Variants in AZIN2 observed in about 807,000 individuals in gnomAD.
The protein encoded by AZIN2 is antizyme inhibitor 2.
Under a neutral mutation model 47.8 loss-of-function variants are expected in AZIN2, and 28 were observed. The observed-to-expected ratio is 0.59, with a 90% CI of 0.43 to 0.80. AZIN2 has a LOEUF of 0.80. Ranked by LOEUF, AZIN2 falls within the 30% of genes least tolerant of loss-of-function variation. AZIN2 has a pLI of 0.00. For synonymous variants in AZIN2, 221 were observed against 239.4 expected (o/e 0.92, Z 0.71); for missense variants, 535 against 582.5 (o/e 0.92, Z 0.84).
At chr1:33,134,565 G>T in the AZIN2 span, among the ~76,000 whole-genome samples, 1 of 152,116 alleles carries the variant, frequency 6.6e-6, no homozygotes, top group Non-Finnish European at 1.5e-5. Context: ...AGACACAAGG[G>T]GACCCATGGA....
At chr1:33,092,273 G>C (rs754643799) in intron 6 of AZIN2, 51 bp downstream of exon 6, 2 of 1,573,140 alleles carry the variant, frequency 1.3e-6, no homozygotes, top group Non-Finnish European at 1.7e-6. Flanking sequence ...AGCCTGGGCT[G>C]TGGGGAGCCT....
chr1:33,091,187 C>T (rs1009103730), intron 5 of AZIN2, among the ~76,000 whole-genome samples: 14 of 152,138 alleles, frequency 9.2e-5, no homozygotes, highest in Non-Finnish European at 1.8e-4. Flanking sequence ...TACATATTGA[C>T]TTCCTTTCCT....
Position 33,122,348 on chromosome 1 carries a change from T to G in AZIN2, c.*2166T>G, listed in dbSNP as rs1644810719. Reference sequence around the variant, plus strand: ...CATGGAGTTTGGATGGATTTCTCACTGGAGCCTTTCTAGTGTTTCATGTTC... The same window carrying G: ...CATGGAGTTTGGATGGATTTCTCACGGGAGCCTTTCTAGTGTTTCATGTTC... On this transcript the variant is annotated 3_prime_UTR_variant, in exon 12 of 12. Coordinates refer to ENST00000294517, the MANE Select transcript of AZIN2 (RefSeq NM_052998.4). 6.6e-6 allele frequency among the ~76,000 whole-genome samples: 1 copy of G among 152,238 alleles called. No homozygotes were observed. The highest frequency in any genetic ancestry group is 6.5e-5 in the Admixed American group (1 of 15,286).
At chr1:33,132,595 G>T in the AZIN2 span, among the ~76,000 whole-genome samples, 1 of 152,172 alleles carries the variant, frequency 6.6e-6, no homozygotes, top group African/African-American at 2.4e-5. Context: ...TCTCCTGACT[G>T]GTTAGTTGCT....
intron 10 of AZIN2, among the ~76,000 whole-genome samples, chr1:33,115,150 C>T (rs562218985): frequency 6.6e-6 from 1 of 152,244 alleles, no homozygotes; most frequent in Non-Finnish European, 1.5e-5. Flanking sequence ...AGGTCACCTT[C>T]CCTCTCTGAG....
At chr1:33,099,625 C>CA (rs1393888521) in intron 10 of AZIN2, among the ~76,000 whole-genome samples, 8 of 152,150 alleles carry the variant, frequency 5.3e-5, no homozygotes, top group African/African-American at 1.7e-4. Context: ...AGCCCACTGC[C>CA]ACGCCCCCCA....
chr1:33,143,265 A>G, the AZIN2 span: 1 of 152,214 alleles, frequency 6.6e-6, no homozygotes, highest in Non-Finnish European at 1.5e-5. Context: ...ACACGTGGAA[A>G]CTGTGAGTAA....
chr1:33,146,939 A>G, the AZIN2 span: 4 of 557,740 alleles, frequency 7.2e-6, no homozygotes, highest in African/African-American at 5.7e-5. Context: ...GCCATGTCAC[A>G]TCCTTGGATC....
At chr1:33,157,740 T>G in the AZIN2 span, among the ~76,000 whole-genome samples, 2 of 151,898 alleles carry the variant, frequency 1.3e-5, no homozygotes, top group Admixed American at 1.3e-4. Flanking sequence ...TAATGGAACC[T>G]ATCTCATGTT....
At chr1:33,157,550 TTC>T in the AZIN2 span, among the ~76,000 whole-genome samples, 1,271 of 152,234 alleles carry the variant, frequency 8.3e-3, 17 homozygotes, top group African/African-American at 0.029. Context: ...TTTGTCTACT[TTC>T]TATCTCACAC....
chr1:33,133,563 AGG>A, the AZIN2 span, among the ~76,000 whole-genome samples: 97 of 152,330 alleles, frequency 6.4e-4, no homozygotes, highest in South Asian at 9.7e-3. Flanking sequence ...TGAGGAGAGC[AGG>A]GCCGGGATGG....
At chr1:33,160,065 G>A in the AZIN2 span, 1 of 1,299,474 alleles carries the variant, frequency 7.7e-7, no homozygotes, top group Non-Finnish European at 1.1e-6. Context: ...GGCACGCGTG[G>A]TGGGGGAAAT....
chr1:33,091,499 C>T (rs956018050), intron 5 of AZIN2, among the ~76,000 whole-genome samples: 3 of 152,156 alleles, frequency 2.0e-5, no homozygotes, highest in African/African-American at 4.8e-5. Context: ...CTCAGCCTCC[C>T]AAAGTGTTGG....
intron 10 of AZIN2, 92 bp downstream of exon 10, chr1:33,098,271 C>A: frequency 1.0e-6 from 1 of 957,804 alleles, no homozygotes; most frequent in Non-Finnish European, 1.5e-6. Context: ...AAAAGTCAAA[C>A]ATATTTATTG....
chr1:33,147,454 C>T, the AZIN2 span: 133 of 1,613,776 alleles, frequency 8.2e-5, 1 homozygote, highest in Middle Eastern at 1.6e-4. The surrounding 1 kb of genome is among the most constrained non-coding windows in gnomAD (Gnocchi z 8.1). Flanking sequence ...GTAGAAGCCG[C>T]GGCTGGGCTG....
downstream of AZIN2, among the ~76,000 whole-genome samples, chr1:33,123,964 C>G (rs567683048): frequency 7.2e-5 from 11 of 151,986 alleles, no homozygotes; most frequent in South Asian, 2.1e-3. Context: ...CCACTACACT[C>G]CAGCCCGGAT....
the AZIN2 span, among the ~76,000 whole-genome samples, chr1:33,136,698 C>T: frequency 6.6e-6 from 1 of 151,360 alleles, no homozygotes; most frequent in Non-Finnish European, 1.5e-5. Flanking sequence ...TCCCCAACAA[C>T]TGTCTATGAA....
At chr1:33,105,650 G>A (rs1311254222) in intron 10 of AZIN2, among the ~76,000 whole-genome samples, 2 of 152,166 alleles carry the variant, frequency 1.3e-5, no homozygotes, top group African/African-American at 4.8e-5. Flanking sequence ...TGCCCGCCAT[G>A]ATCCAATCAC....
rs187117654 is a variant in AZIN2 at position 33,121,604 on chromosome 1, G to C, written c.*1422G>C. On this transcript the variant is annotated 3_prime_UTR_variant, in exon 12 of 12. Coordinates refer to ENST00000294517, the MANE Select transcript of AZIN2 (RefSeq NM_052998.4). Reference sequence around the variant, plus strand: ...AATAAAGAAATAAATAAATAAAGTGGAGAAGTTAGTGGTTTCTGGTGTATT... The same window carrying C: ...AATAAAGAAATAAATAAATAAAGTGCAGAAGTTAGTGGTTTCTGGTGTATT... 6.6e-6 allele frequency among the ~76,000 whole-genome samples: 1 copy of C among 152,274 alleles called. No homozygotes were observed. The highest frequency in any genetic ancestry group is 1.9e-4 in the East Asian group (1 of 5,174).
Sources: allele counts gnomAD v4.1 joint callset (sites outside exome capture counted in the v4.1 genomes callset), GRCh38; gene constraint gnomAD v4.1.1; non-coding constraint Gnocchi (gnomAD v3.1); transcripts MANE v1.5; gene names NCBI Gene and HGNC (gene_info 2026-07-23, HGNC 2026-07-21).